The following EPS15 variants were observed in gnomAD, a reference collection of about 807,000 sequenced individuals.
EPS15 encodes the protein epidermal growth factor receptor substrate 15.
A neutral mutation model predicts 113.8 loss-of-function variants in EPS15; 72 were observed. That is an observed-to-expected ratio of 0.63 (90% CI 0.52 to 0.77). The LOEUF (loss-of-function observed/expected upper bound fraction) is 0.77. EPS15 is among the 30% of genes least tolerant of loss of function. The probability of loss-of-function intolerance (pLI) is 0.00; values close to 1 mark genes in which losing one functional copy is unlikely to be tolerated. For synonymous variants in EPS15, 344 were observed against 363.4 expected (o/e 0.95, Z 0.61); for missense variants, 1,048 against 1,045.8 (o/e 1.00, Z -0.03).
chr1:51,452,488 TG>T (rs1225018150), intron 8 of EPS15, among the ~76,000 whole-genome samples: 5 of 152,192 alleles, frequency 3.3e-5, no homozygotes, highest in African/African-American at 1.2e-4. Flanking sequence ...CTCACTACGT[TG>T]CTCAGGTTGG....
rs112699027 is a variant in EPS15, at chr1:51,432,455, A to G, written c.1040+7892T>C. On this transcript the variant is annotated intron_variant, in intron 12 of 24. Transcript: ENST00000371733. Reference sequence around the variant, plus strand: ...AGTCCTGGGATTACAGATGTGAGCCACCATGCCCAGCCTAAGTAATTTTTA... The same window carrying G: ...AGTCCTGGGATTACAGATGTGAGCCGCCATGCCCAGCCTAAGTAATTTTTA... 7.5e-3 allele frequency among the ~76,000 whole-genome samples: 1,136 copies of G among 152,254 alleles called. 14 individuals carry two copies. Among genetic ancestry groups the G allele is most frequent in the African/African-American group, 0.026 (1,092 of 41,536 alleles).
chr1:51,431,658 C>A (rs1651748870), intron 12 of EPS15, among the ~76,000 whole-genome samples: 1 of 151,970 alleles, frequency 6.6e-6, no homozygotes, highest in Non-Finnish European at 1.5e-5. Context: ...ATTGGCCAGG[C>A]TGGTTTCAAA....
chr1:51,465,673 C>T (rs1391111235), intron 5 of EPS15, among the ~76,000 whole-genome samples: 2 of 151,956 alleles, frequency 1.3e-5, no homozygotes, highest in Non-Finnish European at 2.9e-5. Flanking sequence ...GCTGGGATTA[C>T]AGGAATGCAC....
chr1:51,518,687 G>C (rs893773663), intron 1 of EPS15, among the ~76,000 whole-genome samples: 2 of 152,192 alleles, frequency 1.3e-5, no homozygotes, highest in African/African-American at 4.8e-5. Context: ...GGAGAGGAAA[G>C]ACTGGCTTGG....
At chr1:51,435,211 T>A (rs1239572395) in intron 12 of EPS15, among the ~76,000 whole-genome samples, 6 of 152,118 alleles carry the variant, frequency 3.9e-5, no homozygotes, top group Non-Finnish European at 8.8e-5. Flanking sequence ...TTTTTGAGAC[T>A]GAGTCTCACT....
chr1:51,405,152 G>A lies in EPS15; in HGVS notation c.1677+753C>T, dbSNP rs557381681. Among the ~76,000 whole-genome samples, 3 of 152,234 alleles carry A rather than the reference G, an allele frequency of 2.0e-5. No individual in the cohort carries two copies. The East Asian group carries it at 5.8e-4, about 29-fold the overall frequency. ...AACTGAAAATTCTGCGCTTCCTTTA[G>A]CACAGCCCTTTAACACAGTGTTACA... On this transcript the variant is annotated intron_variant, in intron 16 of 24. Coordinates refer to ENST00000371733, the MANE Select transcript of EPS15 (RefSeq NM_001981.3).
At chr1:51,502,541 T>C in intron 1 of EPS15, among the ~76,000 whole-genome samples, 1 of 152,218 alleles carries the variant, frequency 6.6e-6, no homozygotes, top group East Asian at 1.9e-4. Context: ...GGGGAGGAAG[T>C]AAATCTGTAT....
intron 2 of EPS15, among the ~76,000 whole-genome samples, chr1:51,475,505 C>T (rs542244149): frequency 3.7e-4 from 57 of 152,170 alleles, no homozygotes; most frequent in African/African-American, 1.2e-3. Context: ...TCATATCCTT[C>T]GCCTACTTTT....
intron 15 of EPS15, 145 bp from the exon 16 acceptor site, chr1:51,406,253 A>C (rs1463236206): frequency 3.3e-5 from 22 of 664,372 alleles, no homozygotes; most frequent in Non-Finnish European, 3.9e-5. Context: ...AGGCAGGAGG[A>C]CTGCTTCAGC....
chr1:51,437,246 A>C (rs1457631942), intron 12 of EPS15, among the ~76,000 whole-genome samples: 1 of 152,110 alleles, frequency 6.6e-6, no homozygotes, highest in Non-Finnish European at 1.5e-5. Flanking sequence ...CAACTAACTC[A>C]AGTTTATATA....
In EPS15 at chr1:51,400,900, A is replaced by G; in HGVS notation, c.1918+18T>C. The G allele has an allele frequency of 6.5e-7, 1 of 1,537,962 alleles. No individual in the cohort carries two copies. Among genetic ancestry groups the G allele is most frequent in the Non-Finnish European group, 8.8e-7 (1 of 1,130,144 alleles). On this transcript the variant is annotated intron_variant, in intron 19 of 24. Transcript: ENST00000371733. ...AGAAATGAATGAAAGCTAAGATGAAACTCAATAAGATACTGACCGATTTTT... is the reference window on the plus strand; with the variant it reads ...AGAAATGAATGAAAGCTAAGATGAAGCTCAATAAGATACTGACCGATTTTT...
intron 10 of EPS15, among the ~76,000 whole-genome samples, chr1:51,446,389 T>A (rs1653047615): frequency 6.6e-6 from 1 of 152,174 alleles, no homozygotes; most frequent in African/African-American, 2.4e-5. Flanking sequence ...AAATTTTAAG[T>A]TTAATTGATA....
intron 1 of EPS15, among the ~76,000 whole-genome samples, chr1:51,507,434 G>C (rs537672621): frequency 6.6e-6 from 1 of 151,328 alleles, no homozygotes; most frequent in East Asian, 2.0e-4. Context: ...AGGCTGAGGC[G>C]GGTAGATCAC....
chr1:51,397,911 A>G (rs989846874), intron 20 of EPS15, among the ~76,000 whole-genome samples: 1 of 152,216 alleles, frequency 6.6e-6, no homozygotes, highest in African/African-American at 2.4e-5. Flanking sequence ...ACGAAGTCTC[A>G]AAATACAAAT....
chr1:51,420,937 T>C lies in EPS15; in HGVS notation c.1113+849A>G, dbSNP rs569330886. On this transcript the variant is annotated intron_variant, in intron 13 of 24. Transcript: ENST00000371733. Reference sequence around the variant, plus strand: ...TTAGGAAAAGCAGGAAAATCCAACATACAAGCAACACATTAAGAAATGCCC... The same window carrying C: ...TTAGGAAAAGCAGGAAAATCCAACACACAAGCAACACATTAAGAAATGCCC... Among the ~76,000 whole-genome samples the C allele has an allele frequency of 7.2e-5, 11 of 152,266 alleles. No homozygotes were observed. In the East Asian group the frequency reaches 2.1e-3, roughly 29 times the overall value.
At chr1:51,361,137 T>C in intron 24 of EPS15, 34 bp downstream of exon 24, 2 of 1,514,924 alleles carry the variant, frequency 1.3e-6, no homozygotes, top group Non-Finnish European at 1.8e-6. Context: ...TCTTTAAAGA[T>C]TTCTCCCCCA....
In EPS15 at chr1:51,448,127, A is replaced by C. The variant is rs1252621609; in HGVS notation, c.570T>G (p.Phe190Leu). The C allele has an allele frequency of 3.1e-6, 5 of 1,610,218 alleles. No individual in the cohort carries two copies. Among genetic ancestry groups the C allele is most frequent in the Non-Finnish European group, 4.2e-6 (5 of 1,176,928 alleles). ...CTTTCTCCAGTGCACAGTATACCAA[A>C]AACATGGCCTTCAAAATAAATGAAC... ...LDRDEFAVAM[F>L]LVYCALEKEP... is the part of the protein sequence containing the mutation. The change falls in exon 9 of 25, where the codon TTT becomes TTG. Residue 190 changes from phenylalanine to leucine, a missense_variant. Coordinates refer to ENST00000371733, the MANE Select transcript of EPS15 (RefSeq NM_001981.3).
rs1389203817 is a variant in EPS15 at position 51,357,424 on chromosome 1, A to AT, written c.2545-579dup. Among the ~76,000 whole-genome samples, 552 of 68,124 alleles carry AT rather than the reference A, an allele frequency of 8.1e-3. 6 individuals carry two copies. The highest frequency in any genetic ancestry group is 0.029 in the East Asian group (54 of 1,858). 44.7% of individuals were successfully genotyped at this position (68,124 alleles called of 152,430 possible). ...TATATATATATATATATATATATAT[A>AT]TATTTTTTTTTTTTAAATGTGATAT... On this transcript the variant is annotated intron_variant, in intron 24 of 24. Transcript: ENST00000371733.
chr1:51,458,662 AG>A (rs1383098159), intron 8 of EPS15: 1 of 394,952 alleles, frequency 2.5e-6, no homozygotes, highest in Non-Finnish European at 5.2e-6. Flanking sequence ...ACTTGAATCC[AG>A]GAGGCCGAGG....
Sources: allele counts gnomAD v4.1 joint callset (sites outside exome capture counted in the v4.1 genomes callset), GRCh38; gene constraint gnomAD v4.1.1; transcripts MANE v1.5; gene names NCBI Gene and HGNC (gene_info 2026-07-23, HGNC 2026-07-21).